Variants in RBM47 observed in about 807,000 individuals in gnomAD.
RBM47 encodes the protein RNA binding motif protein 47.
Under a neutral mutation model 47.1 loss-of-function variants are expected in RBM47, and 21 were observed. The ratio of observed to expected loss-of-function variants is 0.45; its 90% CI spans 0.32 to 0.64. RBM47 has a LOEUF of 0.64. RBM47 is among the 30% of genes least tolerant of loss of function. The pLI is 0.05. For missense variants in RBM47, 708 were observed against 870.9 expected, an observed-to-expected ratio of 0.81 and a Z score of 2.35; for synonymous variants, 375 against 361.7, an observed-to-expected ratio of 1.04 and a Z score of -0.42.
intron 1 of RBM47, among the ~76,000 whole-genome samples, chr4:40,626,407 T>C (rs778896921): frequency 8.5e-5 from 13 of 152,186 alleles, no homozygotes; most frequent in Non-Finnish European, 1.3e-4. Context: ...CTAGGAACAT[T>C]TGAATTACAA....
intron 1 of RBM47, among the ~76,000 whole-genome samples, chr4:40,576,273 A>T (rs1732321964): frequency 7.5e-6 from 1 of 133,330 alleles, no homozygotes; most frequent in African/African-American, 2.9e-5. Flanking sequence ...GGGCGGAGAC[A>T]GGGTCTCCCC....
intron 2 of RBM47, among the ~76,000 whole-genome samples, chr4:40,472,627 T>TG (rs756660530): frequency 9.9e-5 from 15 of 151,212 alleles, no homozygotes; most frequent in Admixed American, 6.6e-4. Context: ...AGGACTAAAA[T>TG]GAAAAAAATG....
chr4:40,573,140 A>G, intron 1 of RBM47, among the ~76,000 whole-genome samples: 1 of 145,740 alleles, frequency 6.9e-6, no homozygotes, highest in Non-Finnish European at 1.5e-5. Flanking sequence ...GTGACAGAGC[A>G]AGACTTCATC....
chr4:40,523,237 G>A (rs1424759993), intron 2 of RBM47, among the ~76,000 whole-genome samples: 2 of 152,064 alleles, frequency 1.3e-5, no homozygotes, highest in East Asian at 3.9e-4. Context: ...AAAGTGCTGG[G>A]ATTATAGGAG....
At chr4:40,441,836 T>C (rs1377619347) in intron 3 of RBM47, among the ~76,000 whole-genome samples, 2 of 152,238 alleles carry the variant, frequency 1.3e-5, no homozygotes, top group African/African-American at 2.4e-5. Context: ...AACACAATTA[T>C]CTCTACATAT....
intron 1 of RBM47, among the ~76,000 whole-genome samples, chr4:40,585,438 G>C (rs553044152): frequency 7.4e-4 from 113 of 152,088 alleles, no homozygotes; most frequent in Non-Finnish European, 1.5e-3. Context: ...CAACAAAATC[G>C]CCCCATAAAT....
chr4:40,450,336 A>G (rs1405915036), intron 3 of RBM47, among the ~76,000 whole-genome samples: 1 of 152,166 alleles, frequency 6.6e-6, no homozygotes, highest in South Asian at 2.1e-4. Flanking sequence ...GCTAACGCCT[A>G]TAATTCCAGC....
At chr4:40,593,975 C>T (rs1013216523) in intron 1 of RBM47, among the ~76,000 whole-genome samples, 2 of 151,858 alleles carry the variant, frequency 1.3e-5, no homozygotes, top group African/African-American at 4.8e-5. Context: ...TCGATTGAAC[C>T]CAGGAGGCAG....
At chr4:40,565,468 T>C (rs969460423) in intron 1 of RBM47, among the ~76,000 whole-genome samples, 1 of 152,016 alleles carries the variant, frequency 6.6e-6, no homozygotes, top group African/African-American at 2.4e-5. Flanking sequence ...GGTGGACACA[T>C]AGGAGGCTTC....
chr4:40,496,837 C>T (rs1449269840), intron 2 of RBM47, among the ~76,000 whole-genome samples: 3 of 151,966 alleles, frequency 2.0e-5, no homozygotes, highest in East Asian at 1.9e-4. Context: ...GTCAGGAGTT[C>T]GAGACTAGCC....
intron 1 of RBM47, among the ~76,000 whole-genome samples, chr4:40,552,391 C>G (rs1186784559): frequency 7.1e-6 from 1 of 141,434 alleles, no homozygotes; most frequent in South Asian, 2.2e-4. Context: ...GAGTGAGACT[C>G]TGTCTCAAAA....
At chr4:40,474,280 A>T (rs566612626) in intron 2 of RBM47, among the ~76,000 whole-genome samples, 18 of 152,318 alleles carry the variant, frequency 1.2e-4, no homozygotes, top group Admixed American at 9.8e-4. Context: ...AGCAGCACTG[A>T]CTTATACAGG....
At chr4:40,488,796 T>C (rs988345638) in intron 2 of RBM47, among the ~76,000 whole-genome samples, 2 of 152,232 alleles carry the variant, frequency 1.3e-5, no homozygotes, top group African/African-American at 2.4e-5. Flanking sequence ...CAGATTAGAA[T>C]AGTTAATCTT....
chr4:40,434,616 ACTTTGCC>A (rs1711996148), intron 5 of RBM47, among the ~76,000 whole-genome samples: 1 of 149,814 alleles, frequency 6.7e-6, no homozygotes. Flanking sequence ...GATCAGTTTT[ACTTTGCC>A]CACAGTGCCA....
intron 1 of RBM47, among the ~76,000 whole-genome samples, chr4:40,625,916 T>C (rs775786349): frequency 1.3e-5 from 2 of 152,234 alleles, no homozygotes; most frequent in Non-Finnish European, 2.9e-5. Context: ...ACTAGCACTC[T>C]GTCTTCTCCC....
At chr4:40,530,715 T>C (rs1380089984) in intron 2 of RBM47, among the ~76,000 whole-genome samples, 1 of 152,250 alleles carries the variant, frequency 6.6e-6, no homozygotes, top group East Asian at 1.9e-4. Context: ...TATGTCACAT[T>C]CATTCTGTCA....
chr4:40,598,351 A>G (rs2154276707), intron 1 of RBM47, among the ~76,000 whole-genome samples: 1 of 152,294 alleles, frequency 6.6e-6, no homozygotes, highest in Non-Finnish European at 1.5e-5. Context: ...GGCTCAAGCC[A>G]TCCTCCCACC....
chr4:40,459,007 T>C (rs1716702903), intron 3 of RBM47, among the ~76,000 whole-genome samples: 1 of 152,180 alleles, frequency 6.6e-6, no homozygotes, highest in Non-Finnish European at 1.5e-5. Context: ...TCTAAGTCTT[T>C]CCAAAGAACT....
intron 2 of RBM47, among the ~76,000 whole-genome samples, chr4:40,481,231 C>T (rs140255567): frequency 3.2e-4 from 48 of 151,518 alleles, no homozygotes; most frequent in Admixed American, 1.2e-3. Flanking sequence ...GTACTCAAGC[C>T]CTGGGGAAGT....
Sources: allele counts gnomAD v4.1 joint callset (sites outside exome capture counted in the v4.1 genomes callset), GRCh38; gene constraint gnomAD v4.1.1; transcripts MANE v1.5; gene names NCBI Gene and HGNC (gene_info 2026-07-23, HGNC 2026-07-21).